Variants in HCRTR2 observed in about 807,000 individuals in gnomAD.
The protein encoded by HCRTR2 is orexin receptor type 2.
Under a neutral mutation model 49.0 loss-of-function variants are expected in HCRTR2, and 22 were observed. The ratio of observed to expected loss-of-function variants is 0.45; its 90% CI spans 0.32 to 0.64. The LOEUF is 0.64. Ranked by LOEUF, HCRTR2 falls within the 30% of genes least tolerant of loss-of-function variation. HCRTR2 has a pLI of 0.04. For synonymous variants in HCRTR2, 236 were observed against 205.3 expected, an observed-to-expected ratio of 1.15 and a Z score of -1.28; for missense variants, 491 against 559.4, an observed-to-expected ratio of 0.88 and a Z score of 1.23.
At chr6:55,279,528 C>CAG (rs1767147366) in intron 5 of HCRTR2, among the ~76,000 whole-genome samples, 1 of 149,672 alleles carries the variant, frequency 6.7e-6, no homozygotes, top group Admixed American at 6.7e-5. Flanking sequence ...GTAACACACA[C>CAG]ACACACACAC....
intron 1 of HCRTR2, among the ~76,000 whole-genome samples, chr6:55,238,618 A>T (rs1257665182): frequency 6.6e-6 from 1 of 152,146 alleles, no homozygotes; most frequent in Non-Finnish European, 1.5e-5. Context: ...TTTAATTGAA[A>T]GATAGAACAT....
intron 1 of HCRTR2, among the ~76,000 whole-genome samples, chr6:55,143,005 T>TAGAC (rs66918440): frequency 4.7e-5 from 7 of 149,634 alleles, no homozygotes; most frequent in South Asian, 4.2e-4. Flanking sequence ...GATAGATAGA[T>TAGAC]AGACAGACAG....
intron 4 of HCRTR2, among the ~76,000 whole-genome samples, chr6:55,274,447 T>C (rs1767040504): frequency 6.6e-6 from 1 of 151,390 alleles, no homozygotes; most frequent in African/African-American, 2.4e-5. Context: ...GATTTTTTTG[T>C]TTATTGATTT....
chr6:55,206,473 A>G (rs1765603083), intron 1 of HCRTR2, among the ~76,000 whole-genome samples: 1 of 152,086 alleles, frequency 6.6e-6, no homozygotes, highest in Admixed American at 6.6e-5. Flanking sequence ...GAAAAGATAC[A>G]GATTTTCAAA....
chr6:55,152,176 T>C (rs1764672582), intron 1 of HCRTR2, among the ~76,000 whole-genome samples: 1 of 151,964 alleles, frequency 6.6e-6, no homozygotes, highest in African/African-American at 2.4e-5. Flanking sequence ...GTCACATCAA[T>C]TTACATTCTC....
intron 1 of HCRTR2, among the ~76,000 whole-genome samples, chr6:55,122,974 G>C (rs962648427): frequency 8.3e-6 from 1 of 120,922 alleles, no homozygotes; most frequent in East Asian, 3.0e-4. Context: ...TTGTGGGGTG[G>C]GGGGAGGGGG....
chr6:55,270,566 T>C (rs1381908038), intron 4 of HCRTR2, among the ~76,000 whole-genome samples: 1 of 152,182 alleles, frequency 6.6e-6, no homozygotes, highest in East Asian at 1.9e-4. Flanking sequence ...GCTAACATGA[T>C]GCCAGAAGTG....
At chr6:55,284,689 A>G (rs1157037818), downstream of HCRTR2, among the ~76,000 whole-genome samples, 1 of 152,146 alleles carries the variant, frequency 6.6e-6, no homozygotes, top group Non-Finnish European at 1.5e-5. Context: ...ACAGTTTACA[A>G]AACAATTGCT....
intron 5 of HCRTR2, among the ~76,000 whole-genome samples, chr6:55,279,758 G>A (rs1581875671): frequency 1.3e-5 from 2 of 152,022 alleles, no homozygotes; most frequent in South Asian, 4.2e-4. Flanking sequence ...AATAATACAT[G>A]AAAAATTAAC....
chr6:55,191,698 G>T (rs1765318160), intron 1 of HCRTR2, among the ~76,000 whole-genome samples: 1 of 152,072 alleles, frequency 6.6e-6, no homozygotes, highest in African/African-American at 2.4e-5. Context: ...ATATGGAAGT[G>T]CCAGAAGAAT....
rs182556256 is a variant in HCRTR2 at position 55,127,259 on chromosome 6, G to C, written c.-378+20714G>C. 4.3e-4 allele frequency among the ~76,000 whole-genome samples: 66 copies of C among 152,296 alleles called. 1 individual carries two copies. The highest frequency in any genetic ancestry group is 1.4e-3 in the African/African-American group (59 of 41,572). On this transcript the variant is annotated intron_variant, in intron 1 of 7. Coordinates refer to the HCRTR2 transcript ENST00000615358. ...TTGTGAAAACCATGGGAGAAGCACAGTATCTGGGCTGGAGTGTGCTTGGTT... is the reference window on the plus strand; with the variant it reads ...TTGTGAAAACCATGGGAGAAGCACACTATCTGGGCTGGAGTGTGCTTGGTT...
At chr6:55,279,145 A>C (rs1053664303) in intron 5 of HCRTR2, among the ~76,000 whole-genome samples, 2 of 152,030 alleles carry the variant, frequency 1.3e-5, no homozygotes, top group African/African-American at 4.8e-5. Flanking sequence ...ACAACATAAA[A>C]ACTTTTGAAA....
intron 1 of HCRTR2, among the ~76,000 whole-genome samples, chr6:55,118,243 A>G (rs1202826292): frequency 6.6e-6 from 1 of 151,920 alleles, no homozygotes; most frequent in African/African-American, 2.4e-5. Flanking sequence ...GGGTTTTCTT[A>G]TAACTGCATA....
intron 1 of HCRTR2, among the ~76,000 whole-genome samples, chr6:55,227,836 A>G (rs947002167): frequency 2.6e-5 from 4 of 152,244 alleles, no homozygotes; most frequent in African/African-American, 9.6e-5. Context: ...AATGAAATTG[A>G]GAGTGTAGAT....
chr6:55,222,994 G>A (rs73437062), intron 1 of HCRTR2, among the ~76,000 whole-genome samples: 3,773 of 152,150 alleles, frequency 0.025, 131 homozygotes, highest in African/African-American at 0.084. Context: ...ATAGTGACAC[G>A]AGTTCAAATA....
At chr6:55,192,936 GGGACTGA>G (rs1765345437) in intron 1 of HCRTR2, among the ~76,000 whole-genome samples, 1 of 152,200 alleles carries the variant, frequency 6.6e-6, no homozygotes, top group African/African-American at 2.4e-5. Flanking sequence ...CAAGGTCACA[GGGACTGA>G]CTCCTTTGGA....
At position 55,280,334 on chromosome 6, in the gene HCRTR2, T is replaced by C; in HGVS notation, c.995T>C (p.Met332Thr). 1 of 1,603,440 alleles carries C rather than the reference T, an allele frequency of 6.2e-7. No homozygotes were observed. Among genetic ancestry groups the C allele is most frequent in the Non-Finnish European group, 8.5e-7 (1 of 1,170,374 alleles). The change falls in exon 6 of 7, where the codon ATG becomes ACG. Residue 332 changes from methionine (M) to threonine (T), a missense_variant. Physicochemically the swap from Met to Thr is moderately conservative, Grantham distance 81 (BLOSUM62 -1). Transcript: ENST00000370862. ...TTCTTTTCCTGCAGAGTATTTGGGA[T>C]GTTTGCCCATACTGAAGACAGAGAG... ...ILNVLKRVFG[M>T]FAHTEDRETV...
At chr6:55,269,543 A>G (rs1014726850) in intron 4 of HCRTR2, among the ~76,000 whole-genome samples, 1 of 152,218 alleles carries the variant, frequency 6.6e-6, no homozygotes, top group African/African-American at 2.4e-5. Flanking sequence ...TATATATACA[A>G]AAATCAATTT....
intron 1 of HCRTR2, among the ~76,000 whole-genome samples, chr6:55,139,880 G>A (rs1323150432): frequency 1.3e-5 from 2 of 152,148 alleles, no homozygotes; most frequent in East Asian, 1.9e-4. Flanking sequence ...TTTTTTTCTA[G>A]AAAGTGAGTT....
Sources: gnomAD v4.1 joint callset for allele counts (sites outside exome capture counted in the v4.1 genomes callset) on GRCh38, gnomAD v4.1.1 for gene constraint, MANE v1.5 for transcripts, NCBI Gene and HGNC (gene_info 2026-07-23, HGNC 2026-07-21) for gene names.